PLEKHA7: variants seen among roughly 807,000 people sequenced by gnomAD.
PLEKHA7 encodes the protein pleckstrin homology domain containing A7, also known as pleckstrin homology domain-containing family A member 7.
PLEKHA7 carries 104 observed loss-of-function variants against 170.0 expected under a neutral mutation model. The ratio of observed to expected loss-of-function variants is 0.61; its 90% CI spans 0.52 to 0.72. The LOEUF is 0.72. PLEKHA7 is among the 30% of genes least tolerant of loss of function. The pLI is 0.00. For missense variants in PLEKHA7, 1,615 were observed against 1,671.7 expected (o/e 0.97, Z 0.59); for synonymous variants, 648 against 660.8 (o/e 0.98, Z 0.30).
At chr11:16,976,654 C>T (rs773711800) in intron 3 of PLEKHA7, among the ~76,000 whole-genome samples, 2 of 152,212 alleles carry the variant, frequency 1.3e-5, no homozygotes, top group Non-Finnish European at 2.9e-5. Flanking sequence ...GTCCCAGACC[C>T]TCCTCTGTAA....
At chr11:16,938,201 T>G (rs1303608792) in intron 3 of PLEKHA7, among the ~76,000 whole-genome samples, 1 of 152,162 alleles carries the variant, frequency 6.6e-6, no homozygotes, top group African/African-American at 2.4e-5. Context: ...CTTCCTAAGG[T>G]TAAGGGGTTG....
At chr11:16,898,250 C>A (rs1294703984) in intron 3 of PLEKHA7, among the ~76,000 whole-genome samples, 1 of 152,124 alleles carries the variant, frequency 6.6e-6, no homozygotes, top group East Asian at 1.9e-4. Flanking sequence ...CATTATGAAA[C>A]TAGGGAAACA....
intron 3 of PLEKHA7, among the ~76,000 whole-genome samples, chr11:16,925,968 T>TC (rs1459552762): frequency 6.6e-6 from 1 of 152,234 alleles, no homozygotes; most frequent in Non-Finnish European, 1.5e-5. Context: ...ACTGCGCTGT[T>TC]CTGGCGTCTA....
At chr11:16,837,912 C>G (rs1219153762) in intron 9 of PLEKHA7, among the ~76,000 whole-genome samples, 1 of 152,128 alleles carries the variant, frequency 6.6e-6, no homozygotes, top group Admixed American at 6.5e-5. Context: ...GCCCAACTAT[C>G]GGTGGTGCCC....
At chr11:16,914,213 C>G (rs1227267413) in intron 3 of PLEKHA7, among the ~76,000 whole-genome samples, 26 of 152,140 alleles carry the variant, frequency 1.7e-4, no homozygotes, top group Admixed American at 1.7e-3. Context: ...GCAGTAATCA[C>G]CCCTGGACTT....
At chr11:16,994,039 T>C (rs1864196415) in intron 3 of PLEKHA7, among the ~76,000 whole-genome samples, 1 of 152,220 alleles carries the variant, frequency 6.6e-6, no homozygotes, top group African/African-American at 2.4e-5. Context: ...CAAAGTCCTC[T>C]TCAACTGGGG....
rs141876207 is a variant in PLEKHA7 at position 16,977,361 on chromosome 11, G to A, written c.221+36628C>T. On this transcript the variant is annotated intron_variant, in intron 3 of 26. Coordinates refer to ENST00000531066, the MANE Select transcript of PLEKHA7 (RefSeq NM_001329630.2). ...CCCACTTCAGCCCAGACCTTCCACT[G>A]TTACACATTGCTCACACGTCTCCCT... Among the ~76,000 whole-genome samples, 75 of 152,102 alleles carry A rather than the reference G, an allele frequency of 4.9e-4. 1 individual carries two copies. Among genetic ancestry groups the A allele is most frequent in the African/African-American group, 1.7e-3 (70 of 41,474 alleles).
Position 16,816,819 on chromosome 11 carries a change from G to C in PLEKHA7, c.1847C>G (p.Ala616Gly). Reference sequence around the variant, plus strand: ...CCTCACCTTGACAGCGTGGCCCCGTGCCCTCCTTGGAGAATCCCCCAGCGA... The same window carrying C: ...CCTCACCTTGACAGCGTGGCCCCGTCCCCTCCTTGGAGAATCCCCCAGCGA... ...DISLGDSPRRARGHAVKNSSH... is the reference protein window; with the variant it reads ...DISLGDSPRRGRGHAVKNSSH... The change falls in exon 11 of 27, where the codon GCA (alanine) becomes GGA (glycine). Residue 616 changes from alanine to glycine, a missense_variant. Physicochemically the swap from Ala to Gly is moderately conservative, Grantham distance 60 (BLOSUM62 0). Coordinates refer to ENST00000531066, the MANE Select transcript of PLEKHA7 (RefSeq NM_001329630.2). 5.0e-6 allele frequency: 8 copies of C among 1,614,016 alleles called. No individual in the cohort carries two copies. The highest frequency in any genetic ancestry group is 6.8e-6 in the Non-Finnish European group (8 of 1,179,990).
chr11:16,873,250 A>T (rs983301304), intron 3 of PLEKHA7, among the ~76,000 whole-genome samples: 7 of 151,752 alleles, frequency 4.6e-5, no homozygotes, highest in African/African-American at 1.7e-4. Context: ...TAAAAGAAAA[A>T]CTCTCTAGGC....
At chr11:16,854,159 G>A (rs1218478290) in intron 6 of PLEKHA7, among the ~76,000 whole-genome samples, 2 of 152,218 alleles carry the variant, frequency 1.3e-5, no homozygotes, top group African/African-American at 2.4e-5. Context: ...CTGGCAAGGA[G>A]AGAAGGAGAG....
intron 4 of PLEKHA7, among the ~76,000 whole-genome samples, chr11:16,859,824 C>A (rs1853790276): frequency 6.6e-6 from 1 of 152,272 alleles, no homozygotes; most frequent in South Asian, 2.1e-4. Flanking sequence ...AGCATGCCCT[C>A]AGGCACACTG....
At chr11:16,827,462 G>A (rs1390214230) in intron 9 of PLEKHA7, among the ~76,000 whole-genome samples, 1 of 152,200 alleles carries the variant, frequency 6.6e-6, no homozygotes, top group Non-Finnish European at 1.5e-5. Context: ...TGTGTGTTAG[G>A]CTTTGCTCTA....
At chr11:16,940,714 CTTT>C (rs201851188) in intron 3 of PLEKHA7, among the ~76,000 whole-genome samples, 22 of 151,976 alleles carry the variant, frequency 1.4e-4, no homozygotes, top group Non-Finnish European at 1.0e-4. Context: ...AGATAATTAC[CTTT>C]TTTTGTTTGT....
intron 3 of PLEKHA7, among the ~76,000 whole-genome samples, chr11:16,970,012 G>C (rs574732100): frequency 6.6e-6 from 1 of 152,300 alleles, no homozygotes. Context: ...GAGGGAACAA[G>C]GATGATTTAA....
rs923548785 is a variant in PLEKHA7, at chr11:16,789,707, C to T, written c.3156+68G>A. The stretch of plus-strand genomic sequence containing the variant: ...GGCTGAAGGGATGGCCAGTTACTGT[C>T]CCCCTGGGAGACCCTCCCTCCCCAT... On this transcript the variant is annotated intron_variant, in intron 22 of 26. Coordinates refer to ENST00000531066, the MANE Select transcript of PLEKHA7 (RefSeq NM_001329630.2). This position sits in a 1 kb window ranked among gnomAD's most constrained non-coding sequence, Gnocchi z 4.6. 73 of 1,409,204 alleles carry T rather than the reference C, an allele frequency of 5.2e-5. No individual in the cohort carries two copies. The highest frequency in any genetic ancestry group is 6.8e-5 in the Non-Finnish European group (69 of 1,008,624). 87.3% of individuals were successfully genotyped at this position (1,409,204 alleles called of 1,614,324 possible).
chr11:16,778,693 C>T lies in PLEKHA7; in HGVS notation c.*305G>A, dbSNP rs184164812. 5.9e-4 allele frequency: 266 copies of T among 450,700 alleles called. 1 individual carries two copies. The highest frequency in any genetic ancestry group is 1.5e-3 in the South Asian group (58 of 39,206). The allele number at this position is 450,700 out of a possible 1,614,324, so 27.9% of individuals were successfully genotyped here. ...AGCTGCAAAGTCCTGCATCCTCAAC[C>T]TTCCTGCCACTCAGCCCTTGAGGGG... On this transcript the variant is annotated 3_prime_UTR_variant, in exon 27 of 27. Transcript: ENST00000531066.
At position 16,801,732 on chromosome 11, in the gene PLEKHA7, T is replaced by C. The variant is rs1848608752; in HGVS notation, c.2243A>G (p.Tyr748Cys). Residue 748 changes from tyrosine (Y) to cysteine (C), a missense_variant, in exon 16 of 27, where the codon TAC becomes TGC. Transcript: ENST00000531066. ...DQPQHLEKIA[Y>C]QQKLLQEDLV... ...GTCCTCCTGCAGCAACTTCTGCTGG[T>C]AGGCAATCTTCTCCAAGTGCTGGGG... 5 of 1,614,020 alleles carry C rather than the reference T, an allele frequency of 3.1e-6. No individual in the cohort carries two copies. The highest frequency in any genetic ancestry group is 4.2e-6 in the Non-Finnish European group (5 of 1,180,026).
intron 3 of PLEKHA7, among the ~76,000 whole-genome samples, chr11:16,972,122 A>C (rs528912847): frequency 6.7e-6 from 1 of 149,756 alleles, no homozygotes; most frequent in African/African-American, 2.5e-5. Context: ...CATGCCCAGC[A>C]AATTTATTTT....
At chr11:17,006,141 C>T (rs4757485) in intron 3 of PLEKHA7, among the ~76,000 whole-genome samples, 1 of 151,748 alleles carries the variant, frequency 6.6e-6, no homozygotes, top group Non-Finnish European at 1.5e-5. Flanking sequence ...GAAGCCAAGG[C>T]GGGTGGACAG....
Sources: allele counts gnomAD v4.1 joint callset (sites outside exome capture counted in the v4.1 genomes callset), GRCh38; gene constraint gnomAD v4.1.1; non-coding constraint Gnocchi (gnomAD v3.1); transcripts MANE v1.5; gene names NCBI Gene and HGNC (gene_info 2026-07-23, HGNC 2026-07-21).